PCDHA1: variants seen among roughly 807,000 people sequenced by gnomAD.
The protein encoded by PCDHA1 is protocadherin alpha 1.
In PCDHA1, 42 loss-of-function variants were observed where a neutral mutation model predicts 61.3. That is an observed-to-expected ratio of 0.69 (90% CI 0.54 to 0.89). The LOEUF is 0.89. Ranked by LOEUF, PCDHA1 falls within the 40% of genes least tolerant of loss-of-function variation. The probability of loss-of-function intolerance (pLI) is 0.00; values close to 1 mark genes in which losing one functional copy is unlikely to be tolerated. For missense variants in PCDHA1, 1,256 were observed against 1,235.3 expected (o/e 1.02, Z -0.25); for synonymous variants, 610 against 553.8 (o/e 1.10, Z -1.43).
At chr5:140,838,166 T>C (rs1354444358) in intron 1 of PCDHA1, among the ~76,000 whole-genome samples, 1 of 147,660 alleles carries the variant, frequency 6.8e-6, no homozygotes, top group African/African-American at 2.5e-5. Context: ...CTCTCTGGAG[T>C]GCAGTGGTGC....
At chr5:140,803,281 A>T in intron 1 of PCDHA1, 1 of 1,614,042 alleles carries the variant, frequency 6.2e-7, no homozygotes, top group Non-Finnish European at 8.5e-7. Context: ...GCACTGGTGG[A>T]TGTCAACGTG....
chr5:140,927,705 C>T (rs2084535217), intron 1 of PCDHA1: 1 of 1,614,100 alleles, frequency 6.2e-7, no homozygotes, highest in African/African-American at 1.3e-5. Flanking sequence ...TCCAGTACTC[C>T]CTAAGCAACA....
At chr5:140,850,261 T>C (rs2150476326) in intron 1 of PCDHA1, 3 of 1,592,442 alleles carry the variant, frequency 1.9e-6, no homozygotes, top group African/African-American at 1.4e-5. Flanking sequence ...GGCGCCGGCG[T>C]AGTGGTGGGG....
intron 1 of PCDHA1, among the ~76,000 whole-genome samples, chr5:140,978,557 T>C (rs1262121525): frequency 6.6e-6 from 1 of 152,246 alleles, no homozygotes; most frequent in Non-Finnish European, 1.5e-5. Flanking sequence ...TGCCCTGTTA[T>C]AGCTGTAATA....
chr5:140,995,764 G>C (rs2097697128), intron 3 of PCDHA1, among the ~76,000 whole-genome samples: 1 of 152,134 alleles, frequency 6.6e-6, no homozygotes, highest in Non-Finnish European at 1.5e-5. Flanking sequence ...AGAAAATGTG[G>C]AGAGTGAAGG....
At chr5:140,922,166 G>A (rs1304025068) in intron 1 of PCDHA1, among the ~76,000 whole-genome samples, 1 of 143,464 alleles carries the variant, frequency 7.0e-6, no homozygotes, top group East Asian at 2.2e-4. Flanking sequence ...ACAACAAAAA[G>A]TACAGCAGAC....
chr5:140,841,068 A>G (rs1247313079), intron 1 of PCDHA1: 1 of 487,112 alleles, frequency 2.1e-6, no homozygotes, highest in African/African-American at 1.9e-5. Flanking sequence ...TATGATAAAG[A>G]AATAGAAAGT....
At position 140,856,636 on chromosome 5, in the gene PCDHA1, G is replaced by A. The variant is rs368149411; in HGVS notation, c.2394+67952G>A. 231 of 1,598,104 alleles carry A rather than the reference G, an allele frequency of 1.4e-4. 24 individuals are homozygous for A. The highest frequency in any genetic ancestry group is 1.6e-4 in the Non-Finnish European group (182 of 1,167,716). The stretch of plus-strand genomic sequence containing the variant: ...ACAAATTCCCAGTGCTTGTTCTGCG[G>A]AAGCTGCTGGATCGTGAAGAAAATC... On this transcript the variant is annotated intron_variant, in intron 1 of 3. Coordinates refer to ENST00000504120, the MANE Select transcript of PCDHA1 (RefSeq NM_018900.4).
chr5:140,926,819 C>T, intron 1 of PCDHA1: 1 of 1,493,950 alleles, frequency 6.7e-7, no homozygotes. Context: ...CTCGTGCTCT[C>T]CAGGAGTCCG....
rs782295059 is a variant in PCDHA1 at position 140,883,240 on chromosome 5, C to A, written c.2394+94556C>A. The A allele has an allele frequency of 3.7e-6, 6 of 1,613,998 alleles. No homozygotes were observed. The Admixed American group carries it at 1.0e-4, about 27-fold the overall frequency. ...ATGAAATATCCGTGGAGGCAGTTGA[C>A]AAAGGAAATATTCCAATGGCGGGTC... On this transcript the variant is annotated intron_variant, in intron 1 of 3. Coordinates refer to ENST00000504120, the MANE Select transcript of PCDHA1 (RefSeq NM_018900.4).
At chr5:140,865,904 T>A (rs1554159710) in intron 1 of PCDHA1, 1 of 152,148 alleles carries the variant, frequency 6.6e-6, no homozygotes. Context: ...TACAGGCAAA[T>A]CTTTCTTTCT....
intron 1 of PCDHA1, among the ~76,000 whole-genome samples, chr5:140,949,473 G>A (rs2094384488): frequency 6.6e-6 from 1 of 151,492 alleles, no homozygotes; most frequent in South Asian, 2.1e-4. Flanking sequence ...CCTGTTATTA[G>A]GCACACACAT....
chr5:140,921,942 C>G (rs1025333030), intron 1 of PCDHA1, among the ~76,000 whole-genome samples: 3 of 151,730 alleles, frequency 2.0e-5, no homozygotes, highest in Non-Finnish European at 4.4e-5. Context: ...TAATTTTACA[C>G]TTGTAAAATC....
chr5:140,927,203 C>G (rs782141467), intron 1 of PCDHA1: 1 of 1,614,104 alleles, frequency 6.2e-7, no homozygotes, highest in Admixed American at 1.7e-5. Context: ...CTCGAGGACC[C>G]GCTGGAGCTG....
Position 140,969,539 on chromosome 5 carries a change from A to G in PCDHA1, c.2395-9410A>G, listed in dbSNP as rs551546462. ...GAATTGTTTTATTTTTCATTTTCAGAGGCATGAAGCCTTGTCCATAAAATT... is the reference window on the plus strand; with the variant it reads ...GAATTGTTTTATTTTTCATTTTCAGGGGCATGAAGCCTTGTCCATAAAATT... On this transcript the variant is annotated intron_variant, in intron 1 of 3. Transcript: ENST00000504120. The G allele has an allele frequency of 2.3e-6, 3 of 1,303,614 alleles. No individual in the cohort carries two copies. The Admixed American group carries it at 8.5e-5, about 37-fold the overall frequency. 80.8% of individuals were successfully genotyped at this position (1,303,614 alleles called of 1,614,324 possible).
chr5:140,870,579 G>T (rs1388213173), intron 1 of PCDHA1: 4 of 1,613,744 alleles, frequency 2.5e-6, no homozygotes, highest in Admixed American at 1.7e-5. Context: ...TGTCCTACTC[G>T]CTGGTGGAGC....
At chr5:140,836,310 C>T in intron 1 of PCDHA1, 1 of 1,613,714 alleles carries the variant, frequency 6.2e-7, no homozygotes. Context: ...GACGGACGCA[C>T]CGCGCCACCG....
intron 1 of PCDHA1, among the ~76,000 whole-genome samples, chr5:140,916,824 T>C (rs1207821220): frequency 6.6e-6 from 1 of 152,124 alleles, no homozygotes; most frequent in Non-Finnish European, 1.5e-5. Context: ...GCCACCCCTA[T>C]CCCTCTGGTT....
intron 1 of PCDHA1, chr5:140,883,984 C>G: frequency 6.2e-7 from 1 of 1,612,820 alleles, no homozygotes; most frequent in East Asian, 2.2e-5. Flanking sequence ...GGGCTGGCAG[C>G]GCGGGAGGCA....
Sources: gnomAD v4.1 joint callset for allele counts (sites outside exome capture counted in the v4.1 genomes callset) on GRCh38, gnomAD v4.1.1 for gene constraint, MANE v1.5 for transcripts, NCBI Gene and HGNC (gene_info 2026-07-23, HGNC 2026-07-21) for gene names.